SVIL: variants seen among roughly 807,000 people sequenced by gnomAD.
The protein encoded by SVIL is supervillin.
SVIL carries 101 observed loss-of-function variants against 240.4 expected under a neutral mutation model. That is an observed-to-expected ratio of 0.42 (90% confidence interval 0.36 to 0.50). The LOEUF (loss-of-function observed/expected upper bound fraction) is 0.50. Among genes scored for constraint, SVIL ranks in the 20% least tolerant of loss-of-function variants. The probability of loss-of-function intolerance (pLI) is 0.01; values close to 1 mark genes in which losing one functional copy is unlikely to be tolerated. For missense variants in SVIL, 2,512 were observed against 2,818.7 expected, an observed-to-expected ratio of 0.89 and a Z score of 2.46; for synonymous variants, 999 against 1,100.0, an observed-to-expected ratio of 0.91 and a Z score of 1.82.
At chr10:29,706,858 G>T (rs542295332) in intron 1 of SVIL, among the ~76,000 whole-genome samples, 1 of 152,256 alleles carries the variant, frequency 6.6e-6, no homozygotes, top group East Asian at 1.9e-4. Context: ...TCTGCATATG[G>T]CTAGCCAGTT....
In SVIL at chr10:29,584,969, A is replaced by G. The variant is rs537871671; in HGVS notation, c.-200-15657T>C. Among the ~76,000 whole-genome samples the G allele has an allele frequency of 1.3e-4, 20 of 152,336 alleles. No homozygotes were observed. In the South Asian group the frequency reaches 4.1e-3, roughly 32 times the overall value. ...GGCTAGAGAGTGCAGTGCTGCAATC[A>G]CAGCTCACTGAAGCCTCGACTTCGG... On this transcript the variant is annotated intron_variant, in intron 1 of 37. Coordinates refer to ENST00000355867, the MANE Select transcript of SVIL (RefSeq NM_021738.3).
At position 29,540,913 on chromosome 10, in the gene SVIL, C is replaced by T. The variant is rs532563978; in HGVS notation, c.828-4844G>A. Among the ~76,000 whole-genome samples the T allele has an allele frequency of 2.6e-5, 4 of 152,304 alleles. No homozygotes were observed. The South Asian group carries it at 8.3e-4, about 32-fold the overall frequency. On this transcript the variant is annotated intron_variant, in intron 6 of 37. Coordinates refer to ENST00000355867, the MANE Select transcript of SVIL (RefSeq NM_021738.3). Reference sequence around the variant, plus strand: ...GACTGAGCTTTCCACCTTGGAGCAGCGCAGCCTGATCATAATACTGAGGGG... The same window carrying T: ...GACTGAGCTTTCCACCTTGGAGCAGTGCAGCCTGATCATAATACTGAGGGG...
chr10:29,690,366 C>T (rs1017045134), intron 1 of SVIL, among the ~76,000 whole-genome samples: 1 of 151,892 alleles, frequency 6.6e-6, no homozygotes, highest in African/African-American at 2.4e-5. Flanking sequence ...ATGTTGGTCC[C>T]CATTTAAGTG....
intron 3 of SVIL, among the ~76,000 whole-genome samples, chr10:29,650,737 G>A (rs1958808214): frequency 6.6e-6 from 1 of 152,124 alleles, no homozygotes; most frequent in Admixed American, 6.5e-5. Flanking sequence ...GATCATTGAG[G>A]TCAGGAGTTG....
intron 1 of SVIL, among the ~76,000 whole-genome samples, chr10:29,728,851 C>A (rs1326257983): frequency 4.0e-5 from 6 of 151,672 alleles, no homozygotes; most frequent in Non-Finnish European, 8.8e-5. Context: ...AATTAAACAC[C>A]AATGACAGAT....
chr10:29,586,144 G>A (rs1233010690), intron 1 of SVIL, among the ~76,000 whole-genome samples: 5 of 152,194 alleles, frequency 3.3e-5, no homozygotes, highest in Non-Finnish European at 2.9e-5. Context: ...GTGGATGCTC[G>A]GCTGTGGCTA....
intron 6 of SVIL, among the ~76,000 whole-genome samples, chr10:29,539,745 G>C (rs939621364): frequency 6.6e-6 from 1 of 152,000 alleles, no homozygotes; most frequent in East Asian, 1.9e-4. Flanking sequence ...ACAGCCCCAG[G>C]GTGCTCTTGA....
intron 13 of SVIL, among the ~76,000 whole-genome samples, chr10:29,526,120 T>C (rs1314861886): frequency 1.3e-5 from 2 of 152,176 alleles, no homozygotes; most frequent in Non-Finnish European, 2.9e-5. Context: ...GTTTAGACAC[T>C]ACAAATTGTT....
chr10:29,601,042 AT>A (rs1956792914), intron 1 of SVIL, among the ~76,000 whole-genome samples: 1 of 152,200 alleles, frequency 6.6e-6, no homozygotes, highest in African/African-American at 2.4e-5. Flanking sequence ...TGTCATTAAT[AT>A]ACATAACTTA....
At chr10:29,711,614 A>G (rs1963292944) in intron 1 of SVIL, among the ~76,000 whole-genome samples, 1 of 152,076 alleles carries the variant, frequency 6.6e-6, no homozygotes, top group Non-Finnish European at 1.5e-5. Context: ...TGCAAAAATT[A>G]GCCAAGTGTG....
Position 29,470,230 on chromosome 10 carries a change from G to C in SVIL, c.5843+46C>G, listed in dbSNP as rs1378801984. The stretch of plus-strand genomic sequence containing the variant: ...ACCCCTGAGCCTGCCCCGTCCCTCT[G>C]GGAAGCCCGGTGTGTGGGGGGACTC... On this transcript the variant is annotated intron_variant, in intron 32 of 37. Coordinates refer to ENST00000355867, the MANE Select transcript of SVIL (RefSeq NM_021738.3). 1.9e-6 allele frequency: 3 copies of C among 1,590,518 alleles called. No homozygotes were observed. In the Admixed American group the frequency reaches 5.2e-5, roughly 28 times the overall value.
At chr10:29,714,883 C>A (rs1333920546) in intron 1 of SVIL, among the ~76,000 whole-genome samples, 2 of 146,748 alleles carry the variant, frequency 1.4e-5, no homozygotes, top group Non-Finnish European at 3.0e-5. Context: ...TCACTTGAGC[C>A]TAGGAGGTTG....
chr10:29,488,442 G>A (rs764396563), intron 23 of SVIL, among the ~76,000 whole-genome samples, 159 bp downstream of exon 23: 23 of 152,118 alleles, frequency 1.5e-4, no homozygotes, highest in Non-Finnish European at 2.6e-4. Flanking sequence ...GGGGAAGCTT[G>A]AGAGACAGGA....
At chr10:29,594,517 G>A (rs570678416) in intron 1 of SVIL, among the ~76,000 whole-genome samples, 7 of 151,824 alleles carry the variant, frequency 4.6e-5, no homozygotes, top group East Asian at 1.9e-4. Context: ...AGTGGGAGGC[G>A]AGGAGTTTAT....
Position 29,569,274 on chromosome 10 carries a change from G to C in SVIL, c.-162C>G, listed in dbSNP as rs1271909198. On this transcript the variant is annotated 5_prime_UTR_variant, in exon 2 of 38. Coordinates refer to ENST00000355867, the MANE Select transcript of SVIL (RefSeq NM_021738.3). ...CTTTACCTTGAAACTTTCCTTTGAC[G>C]TGGGAATCCAAGGAAGCTTAAGTTT... 2.0e-6 allele frequency: 2 copies of C among 985,630 alleles called. No homozygotes were observed. The highest frequency in any genetic ancestry group is 2.4e-6 in the Non-Finnish European group (2 of 829,862). 61.1% of individuals were successfully genotyped at this position (985,630 alleles called of 1,614,324 possible). A position where few individuals can be genotyped will look rare whatever the true frequency, so the allele number is the denominator to read the frequency against.
rs1947199842 is a variant in SVIL, at chr10:29,484,443, C to G, written c.4955+213G>C. Among the ~76,000 whole-genome samples, 1 of 152,220 alleles carries G rather than the reference C, an allele frequency of 6.6e-6. No individual in the cohort carries two copies. Among genetic ancestry groups the G allele is most frequent in the Non-Finnish European group, 1.5e-5 (1 of 68,046 alleles). On this transcript the variant is annotated intron_variant, in intron 27 of 37. Coordinates refer to ENST00000355867, the MANE Select transcript of SVIL (RefSeq NM_021738.3). This position sits in a 1 kb window ranked among gnomAD's most constrained non-coding sequence, Gnocchi z 4.7. Reference sequence around the variant, plus strand: ...CTTCAAGAAATCAACTATAACAAACCTCTTCCAGAAGACTACGACATCCAT... The same window carrying G: ...CTTCAAGAAATCAACTATAACAAACGTCTTCCAGAAGACTACGACATCCAT...
rs185919170 is a variant in SVIL at position 29,558,375 on chromosome 10, T to G, written c.-50-3267A>C. Reference sequence around the variant, plus strand: ...AGCTTATTAATTCCTAGTGAAAATCTATAGTGAATTTTAAAAGGAAAATAA... The same window carrying G: ...AGCTTATTAATTCCTAGTGAAAATCGATAGTGAATTTTAAAAGGAAAATAA... On this transcript the variant is annotated intron_variant, in intron 3 of 37. Transcript: ENST00000355867. 2.2e-4 allele frequency among the ~76,000 whole-genome samples: 34 copies of G among 152,308 alleles called. No individual in the cohort carries two copies. The East Asian group carries it at 6.0e-3, about 27-fold the overall frequency.
intron 7 of SVIL, among the ~76,000 whole-genome samples, chr10:29,535,511 A>G (rs1189508741): frequency 6.6e-6 from 1 of 152,210 alleles, no homozygotes; most frequent in Non-Finnish European, 1.5e-5. Context: ...GTTTGCTTTT[A>G]AAACCACATG....
chr10:29,532,795 C>T lies in SVIL; in HGVS notation c.1572G>A (p.Val524=), dbSNP rs1411708182. Residue 524 remains valine, a synonymous_variant, in exon 8 of 38, where the codon GTG becomes GTA. Coordinates refer to ENST00000355867, the MANE Select transcript of SVIL (RefSeq NM_021738.3). The part of the protein sequence containing the change: ...EMVLYIQSEP[V]SQDAKPTGHN... ...GACCAGTTGGTTTGGCGTCTTGGGA[C>T]ACAGGCTCACTTTGAATGTAGAGAA... is the stretch of plus-strand genomic sequence containing the variant. The T allele has an allele frequency of 3.1e-6, 5 of 1,613,986 alleles. No homozygotes were observed. Among genetic ancestry groups the T allele is most frequent in the Non-Finnish European group, 4.2e-6 (5 of 1,180,014 alleles).
Sources: gnomAD v4.1 joint callset for allele counts (sites outside exome capture counted in the v4.1 genomes callset) on GRCh38, gnomAD v4.1.1 for gene constraint, Gnocchi (gnomAD v3.1) non-coding constraint, MANE v1.5 for transcripts, NCBI Gene and HGNC (gene_info 2026-07-23, HGNC 2026-07-21) for gene names.